MPDZ: variants seen among roughly 807,000 people sequenced by gnomAD.
MPDZ encodes the protein multiple PDZ domain protein.
A neutral mutation model predicts 239.1 loss-of-function variants in MPDZ; 234 were observed. The observed-to-expected ratio is 0.98, with a 90% confidence interval of 0.88 to 1.09. MPDZ has a LOEUF of 1.09. Among genes scored for constraint, MPDZ ranks in the 50% least tolerant of loss-of-function variants. MPDZ has a pLI of 0.00. For missense variants in MPDZ, 3,175 were observed against 2,510.0 expected (o/e 1.26, Z -5.66); for synonymous variants, 1,048 against 881.3 (o/e 1.19, Z -3.35).
intron 23 of MPDZ, among the ~76,000 whole-genome samples, chr9:13,158,999 ACT>A (rs1463466332): frequency 6.6e-6 from 1 of 152,098 alleles, no homozygotes. Flanking sequence ...GGCTATAAAA[ACT>A]CTGATTCAAT....
At position 13,143,504 on chromosome 9, in the gene MPDZ, T is replaced by G; in HGVS notation, c.3802A>C (p.Asn1268His). Residue 1268 changes from asparagine (N) to histidine (H), a missense_variant, in exon 27 of 47, where the codon AAC (asparagine) becomes CAC (histidine). Asn to His is a moderately conservative substitution (Grantham distance 68). Transcript: ENST00000319217. ...ATTTGTAGAGAGTCAGCAAATGGGT[T>G]AGTGCTGCTGAAGTTGTACTTAGGG... ...LYPKYNFSST[N>H]PFADSLQINA... is the part of the protein sequence containing the mutation. 6.2e-7 allele frequency: 1 copy of G among 1,613,066 alleles called. No homozygotes were observed. Among genetic ancestry groups the G allele is most frequent in the Non-Finnish European group, 8.5e-7 (1 of 1,179,174 alleles).
Position 13,123,145 on chromosome 9 carries a change from G to T in MPDZ, c.4953+8C>A. The T allele has an allele frequency of 6.2e-7, 1 of 1,610,438 alleles. No individual in the cohort carries two copies. The highest frequency in any genetic ancestry group is 8.5e-7 in the Non-Finnish European group (1 of 1,178,564). On this transcript the variant is annotated splice_region_variant and intron_variant, in intron 36 of 46. Transcript: ENST00000319217. ...GCCTGTACAGAAGCACCTCTGGGTG[G>T]TGCTCACCAGCAGCGTGTCTGAACC...
intron 30 of MPDZ, among the ~76,000 whole-genome samples, chr9:13,136,459 G>A (rs755139641): frequency 1.3e-5 from 2 of 148,542 alleles, no homozygotes; most frequent in Non-Finnish European, 3.0e-5. Flanking sequence ...AGCCTCCCTA[G>A]TAGCTGGGAC....
chr9:13,261,477 C>T (rs1970675202), intron 1 of MPDZ, among the ~76,000 whole-genome samples: 1 of 151,952 alleles, frequency 6.6e-6, no homozygotes, highest in African/African-American at 2.4e-5. Flanking sequence ...CTCTCAAATA[C>T]CCTTGCTTAC....
At chr9:13,166,602 G>A (rs1319448791) in intron 22 of MPDZ, among the ~76,000 whole-genome samples, 1 of 152,058 alleles carries the variant, frequency 6.6e-6, no homozygotes, top group Non-Finnish European at 1.5e-5. Flanking sequence ...TTCCAGAGGA[G>A]GGAAGGTTGT....
intron 10 of MPDZ, among the ~76,000 whole-genome samples, chr9:13,206,850 A>T (rs976951705): frequency 6.6e-6 from 1 of 151,822 alleles, no homozygotes. Context: ...CCTACTTTTT[A>T]AAAAAATTTG....
At chr9:13,221,666 C>T (rs1026050168) in intron 6 of MPDZ, among the ~76,000 whole-genome samples, 166 bp from the exon 7 acceptor site, 1 of 151,914 alleles carries the variant, frequency 6.6e-6, no homozygotes, top group Admixed American at 6.6e-5. Context: ...TCCCTTTCAA[C>T]AGAATGTAAG....
At chr9:13,217,331 C>G (rs565760344) in intron 8 of MPDZ, 37 bp from the exon 9 acceptor site, 29 of 1,322,460 alleles carry the variant, frequency 2.2e-5, no homozygotes, top group Non-Finnish European at 3.0e-5. Context: ...TGAAATAATA[C>G]GTAAAAAAAA....
chr9:13,219,590 G>A lies in MPDZ; in HGVS notation c.1055C>T (p.Ser352Phe). Residue 352 changes from serine (S) to phenylalanine (F), a missense_variant, in exon 8 of 47, where the codon TCC becomes TTC. Transcript: ENST00000319217. The stretch of plus-strand genomic sequence containing the variant: ...CTCTGGTGTTGAAGTTGGGGATGAG[G>A]AGAGGGTGATGCCCAAAGCAGTGGG... ...TAPTALGITL[S>F]SSPTSTPELR... The A allele has an allele frequency of 6.2e-7, 1 of 1,612,158 alleles. No individual in the cohort carries two copies.
intron 17 of MPDZ, among the ~76,000 whole-genome samples, chr9:13,187,423 AAT>A (rs969444387): frequency 1.3e-5 from 2 of 152,152 alleles, no homozygotes; most frequent in African/African-American, 4.8e-5. Flanking sequence ...CCAAATGCAT[AAT>A]CCAATCTTAA....
At chr9:13,169,750 G>A (rs1038996863) in intron 21 of MPDZ, among the ~76,000 whole-genome samples, 2 of 152,152 alleles carry the variant, frequency 1.3e-5, no homozygotes, top group Non-Finnish European at 1.5e-5. Flanking sequence ...GCTCAGCACA[G>A]TCTGTAGGAC....
intron 3 of MPDZ, among the ~76,000 whole-genome samples, chr9:13,233,003 C>G (rs1962955571): frequency 6.6e-6 from 1 of 151,956 alleles, no homozygotes; most frequent in African/African-American, 2.4e-5. Flanking sequence ...ACATATCCCC[C>G]AGAGTCATTA....
intron 3 of MPDZ, among the ~76,000 whole-genome samples, chr9:13,229,007 G>T (rs1031801578): frequency 2.0e-5 from 3 of 152,086 alleles, no homozygotes; most frequent in Admixed American, 2.0e-4. Context: ...CCTTCCAGAA[G>T]AAATGGACAG....
intron 24 of MPDZ, among the ~76,000 whole-genome samples, chr9:13,154,256 T>C (rs779765536): frequency 6.6e-5 from 10 of 151,362 alleles, no homozygotes; most frequent in African/African-American, 2.2e-4. Flanking sequence ...GAACAGACAA[T>C]AGAAACACAG....
intron 23 of MPDZ, among the ~76,000 whole-genome samples, chr9:13,159,400 G>C (rs1198904976): frequency 3.3e-5 from 5 of 152,098 alleles, no homozygotes; most frequent in Admixed American, 3.3e-4. Flanking sequence ...CACTAGGGTA[G>C]GACTGGTGGG....
At chr9:13,227,263 T>C (rs563601675) in intron 3 of MPDZ, among the ~76,000 whole-genome samples, 16 of 152,198 alleles carry the variant, frequency 1.1e-4, no homozygotes, top group African/African-American at 3.9e-4. Context: ...GAAAAAGAGA[T>C]CAATGTGTTG....
Position 13,224,480 on chromosome 9 carries a change from G to A in MPDZ, c.287C>T (p.Ser96Phe), listed in dbSNP as rs1959871407. 2.5e-6 allele frequency: 4 copies of A among 1,612,776 alleles called. No homozygotes were observed. Among genetic ancestry groups the A allele is most frequent in the Non-Finnish European group, 3.4e-6 (4 of 1,179,140 alleles). The change falls in exon 4 of 47, where the codon TCC becomes TTC. Residue 96 changes from serine (S) to phenylalanine (F), a missense_variant. Coordinates refer to ENST00000319217, the MANE Select transcript of MPDZ (RefSeq NM_001378778.1). Reference protein sequence around the residue: ...PTLQNESFLLSPNNGNLEALT... With the variant: ...PTLQNESFLLFPNNGNLEALT... Reference sequence around the variant, plus strand: ...TGCTTCCAGATTCCCATTGTTTGGGGATAATAAAAACGATTCATTTTGCAG... The same window carrying A: ...TGCTTCCAGATTCCCATTGTTTGGGAATAATAAAAACGATTCATTTTGCAG...
chr9:13,116,546 G>GT (rs560428093), intron 39 of MPDZ, among the ~76,000 whole-genome samples: 4 of 151,960 alleles, frequency 2.6e-5, no homozygotes, highest in African/African-American at 9.7e-5. Flanking sequence ...CCATAAGTTG[G>GT]TTTTTTTATT....
At chr9:13,150,159 C>T (rs1948966945) in intron 25 of MPDZ, among the ~76,000 whole-genome samples, 1 of 151,842 alleles carries the variant, frequency 6.6e-6, no homozygotes, top group Non-Finnish European at 1.5e-5. Flanking sequence ...TTCTTTCAAA[C>T]AGAACATAAT....
Sources: gnomAD v4.1 joint callset for allele counts (sites outside exome capture counted in the v4.1 genomes callset) on GRCh38, gnomAD v4.1.1 for gene constraint, MANE v1.5 for transcripts, NCBI Gene and HGNC (gene_info 2026-07-23, HGNC 2026-07-21) for gene names.